The following C3 variants were observed in gnomAD, a reference collection of about 807,000 sequenced individuals.
C3 encodes complement C3.
Under a neutral mutation model 207.9 loss-of-function variants are expected in C3, and 97 were observed. The observed-to-expected ratio is 0.47, with a 90% CI of 0.40 to 0.55. The LOEUF is 0.55. Among genes scored for constraint, C3 ranks in the 20% least tolerant of loss-of-function variants. The pLI is 0.00. For missense variants in C3, 1,684 were observed against 2,171.7 expected (o/e 0.78, Z 4.46); for synonymous variants, 848 against 857.6 (o/e 0.99, Z 0.20).
At chr19:6,709,948 A>T in intron 13 of C3, 106 bp from the exon 14 acceptor site, 5 of 581,792 alleles carry the variant, frequency 8.6e-6, no homozygotes, top group Non-Finnish European at 1.3e-5. Context: ...GGTTGGGGGG[A>T]GCCGTGGGGC....
chr19:6,689,894 G>A (rs941544577), intron 27 of C3, among the ~76,000 whole-genome samples: 11 of 152,118 alleles, frequency 7.2e-5, no homozygotes, highest in African/African-American at 2.7e-4. Context: ...AAACAGTAAA[G>A]TCCCTTGAAC....
intron 14 of C3, among the ~76,000 whole-genome samples, chr19:6,708,283 C>G (rs575325235): frequency 6.6e-6 from 1 of 152,008 alleles, no homozygotes; most frequent in Non-Finnish European, 1.5e-5. Context: ...ACTACAGGTG[C>G]ATGCCACCAT....
In C3 at chr19:6,684,790, G is replaced by T; in HGVS notation, c.4014C>A (p.Gly1338=). 6.2e-7 allele frequency: 1 copy of T among 1,614,170 alleles called. No homozygotes were observed. The highest frequency in any genetic ancestry group is 8.5e-7 in the Non-Finnish European group (1 of 1,180,006). Residue 1338 remains glycine, a synonymous_variant, in exon 31 of 41, where the codon GGC becomes GGA. Coordinates refer to ENST00000245907, the MANE Select transcript of C3 (RefSeq NM_000064.4). Reference sequence around the variant, plus strand: ...TGTTCCTTACCGACAAGGTGCCTTGGCCTTTTCCTTCAGCTGTGACTGTGA... The same window carrying T: ...TGTTCCTTACCGACAAGGTGCCTTGTCCTTTTCCTTCAGCTGTGACTGTGA... ...EGFTVTAEGK[G]QGTLSVVTMY... is the part of the protein sequence containing the mutation.
At position 6,712,279 on chromosome 19, in the gene C3, C is replaced by T. The variant is rs754494461; in HGVS notation, c.1247G>A (p.Ser416Asn). 5.6e-6 allele frequency: 9 copies of T among 1,614,028 alleles called. No homozygotes were observed. The highest frequency in any genetic ancestry group is 1.7e-4 in the Middle Eastern group (1 of 5,944). Reference protein sequence around the residue: ...VAKLSINTHPSQKPLSITVRT... With the variant: ...VAKLSINTHPNQKPLSITVRT... The stretch of plus-strand genomic sequence containing the variant: ...CACCGTGATGCTCAAGGGCTTCTGG[C>T]TGGGGTGTGTGTTGATGCTGAGTTT... The change falls in exon 11 of 41, where the codon AGC becomes AAC. Residue 416 changes from serine to asparagine, a missense_variant. Ser to Asn is a conservative substitution (Grantham distance 46, BLOSUM62 1). This residue lies in a region of C3 where 1,280 missense variants were observed against 1,739.1 expected (regional missense o/e 0.74). Transcript: ENST00000245907.
intron 11 of C3, among the ~76,000 whole-genome samples, chr19:6,711,731 C>T (rs1356784489): frequency 6.6e-6 from 1 of 152,156 alleles, no homozygotes; most frequent in South Asian, 2.1e-4. Context: ...CTGCAACCTC[C>T]GCAGCTGTCA....
chr19:6,710,570 CAG>C (rs1165036882), intron 13 of C3, 67 bp downstream of exon 13: 55 of 1,131,394 alleles, frequency 4.9e-5, no homozygotes, highest in Non-Finnish European at 6.8e-5. Flanking sequence ...AGAGAGGAGA[CAG>C]GGAGAGAGAG....
chr19:6,688,940 G>C (rs1918083202), intron 27 of C3, among the ~76,000 whole-genome samples: 1 of 152,114 alleles, frequency 6.6e-6, no homozygotes, highest in African/African-American at 2.4e-5. Flanking sequence ...TGGGAATATG[G>C]CGGCCCTAAC....
At position 6,684,448 on chromosome 19, in the gene C3, AC is replaced by A. The variant is rs1252195659; in HGVS notation, c.4121-10del. On this transcript the variant is annotated splice_polypyrimidine_tract_variant and intron_variant, in intron 32 of 40. Coordinates refer to ENST00000245907, the MANE Select transcript of C3 (RefSeq NM_000064.4). ...ATCCTGAGGCCTCTTTTCTAGAAAC[AC>A]AGAAGAGAGAAAGATGGGAGAGGGT... The A allele has an allele frequency of 6.2e-7, 1 of 1,611,204 alleles. No homozygotes were observed. Among genetic ancestry groups the A allele is most frequent in the South Asian group, 1.1e-5 (1 of 91,052 alleles).
intron 29 of C3, among the ~76,000 whole-genome samples, 167 bp from the exon 30 acceptor site, chr19:6,685,313 T>G (rs894059409): frequency 6.6e-6 from 1 of 152,074 alleles, no homozygotes; most frequent in Admixed American, 6.5e-5. Context: ...TCTGAGGACA[T>G]GTTCAGAACT....
chr19:6,678,510 AC>A (rs1310857411), intron 38 of C3, 55 bp from the exon 39 acceptor site: 14 of 1,510,694 alleles, frequency 9.3e-6, no homozygotes, highest in Non-Finnish European at 1.3e-5. Context: ...CATGAGGGGC[AC>A]CCTGGTTTGC....
Position 6,686,299 on chromosome 19 carries a change from A to T in C3, c.3647-12T>A, listed in dbSNP as rs775821859. The T allele has an allele frequency of 4.3e-6, 7 of 1,613,542 alleles. No individual in the cohort carries two copies. The highest frequency in any genetic ancestry group is 5.9e-6 in the Non-Finnish European group (7 of 1,179,990). ...CCAGCGGTTCTTATCTGCAAAGAAG[A>T]TACCCCATCCCCAGTGCTCACTGCT... is the stretch of plus-strand genomic sequence containing the variant. On this transcript the variant is annotated splice_polypyrimidine_tract_variant and intron_variant, in intron 28 of 40. Coordinates refer to ENST00000245907, the MANE Select transcript of C3 (RefSeq NM_000064.4).
chr19:6,703,829 T>C (rs1568221064), intron 17 of C3, among the ~76,000 whole-genome samples: 1 of 151,820 alleles, frequency 6.6e-6, no homozygotes, highest in Admixed American at 6.6e-5. Context: ...GCGCCTGTAA[T>C]CCCAGCTACT....
intron 9 of C3, among the ~76,000 whole-genome samples, 156 bp downstream of exon 9, chr19:6,713,033 G>A (rs933236712): frequency 2.0e-5 from 3 of 151,692 alleles, no homozygotes; most frequent in South Asian, 2.1e-4. Context: ...CTTCATACTC[G>A]GCCTCCCCTC....
intron 14 of C3, among the ~76,000 whole-genome samples, chr19:6,708,497 C>T (rs1262907249): frequency 1.3e-5 from 2 of 151,284 alleles, no homozygotes; most frequent in Non-Finnish European, 2.9e-5. Context: ...CTTCCTCTCC[C>T]TCCCTTCCTC....
chr19:6,689,348 C>CTT (rs1918105433), intron 27 of C3, among the ~76,000 whole-genome samples: 1 of 58,796 alleles, frequency 1.7e-5, no homozygotes, highest in East Asian at 4.0e-4. Context: ...TCCCTCCCTC[C>CTT]CTCCCTCCCT....
At chr19:6,679,578 C>A in intron 36 of C3, 82 bp from the exon 37 acceptor site, 2 of 941,302 alleles carry the variant, frequency 2.1e-6, no homozygotes, top group South Asian at 2.6e-5. Context: ...ATCCCCAGTT[C>A]TCAGTCTTCA....
chr19:6,705,765 A>T (rs1432266142), intron 17 of C3, among the ~76,000 whole-genome samples: 1 of 150,758 alleles, frequency 6.6e-6, no homozygotes, highest in Non-Finnish European at 1.5e-5. Flanking sequence ...ACCTAAACCT[A>T]CCAGGTTCAA....
At chr19:6,688,694 A>G (rs575119378) in intron 27 of C3, among the ~76,000 whole-genome samples, 8 of 152,326 alleles carry the variant, frequency 5.3e-5, no homozygotes, top group Admixed American at 3.9e-4. Context: ...CTGGTTTCAC[A>G]GCCTGTGCTA....
intron 4 of C3, chr19:6,716,631 T>G (rs892697119): frequency 1.3e-5 from 2 of 152,234 alleles, no homozygotes; most frequent in African/African-American, 4.8e-5. Context: ...AGTAAGTTTT[T>G]TATTAAACCC....
Sources: allele counts gnomAD v4.1 joint callset (sites outside exome capture counted in the v4.1 genomes callset), GRCh38; gene constraint gnomAD v4.1.1; regional missense constraint gnomAD v4.1.1; transcripts MANE v1.5; gene names NCBI Gene and HGNC (gene_info 2026-07-23, HGNC 2026-07-21).